The following PPP1R9A variants were observed in gnomAD, a reference collection of about 807,000 sequenced individuals.
PPP1R9A encodes neurabin-1.
A neutral mutation model predicts 141.9 loss-of-function variants in PPP1R9A; 59 were observed. The ratio of observed to expected loss-of-function variants is 0.42; its 90% CI spans 0.34 to 0.52. PPP1R9A has a LOEUF of 0.52. Among genes scored for constraint, PPP1R9A ranks in the 20% least tolerant of loss-of-function variants. PPP1R9A has a pLI of 0.10. For missense variants in PPP1R9A, 1,444 were observed against 1,611.9 expected, an observed-to-expected ratio of 0.90 and a Z score of 1.78; for synonymous variants, 500 against 569.7, an observed-to-expected ratio of 0.88 and a Z score of 1.74.
intron 5 of PPP1R9A, among the ~76,000 whole-genome samples, chr7:95,186,985 T>C (rs1326361722): frequency 6.6e-6 from 1 of 152,084 alleles, no homozygotes; most frequent in East Asian, 1.9e-4. Context: ...TTTTGTTCTG[T>C]CCTTTCCTGG....
At chr7:95,195,491 T>C (rs1836129596) in intron 5 of PPP1R9A, among the ~76,000 whole-genome samples, 1 of 150,914 alleles carries the variant, frequency 6.6e-6, no homozygotes, top group Non-Finnish European at 1.5e-5. Flanking sequence ...TTACTTAGGC[T>C]GATCTTGAAC....
At chr7:95,218,415 G>A (rs146172713) in intron 7 of PPP1R9A, among the ~76,000 whole-genome samples, 1,687 of 152,260 alleles carry the variant, frequency 0.011, 8 homozygotes, top group African/African-American at 0.018. Context: ...GAATAAGTGC[G>A]ATGTGGTGCT....
intron 16 of PPP1R9A, among the ~76,000 whole-genome samples, chr7:95,276,649 C>T (rs183051240): frequency 5.5e-4 from 83 of 152,196 alleles, no homozygotes; most frequent in African/African-American, 2.0e-3. Context: ...TGGCCTCCCT[C>T]AAACCTTGTT....
At chr7:94,945,498 AT>A (rs1227344630) in intron 2 of PPP1R9A, among the ~76,000 whole-genome samples, 4 of 152,026 alleles carry the variant, frequency 2.6e-5, no homozygotes, top group African/African-American at 9.7e-5. Context: ...CCAGTCTTTC[AT>A]TTTGTTTTGT....
intron 2 of PPP1R9A, among the ~76,000 whole-genome samples, chr7:94,930,269 A>G (rs1793990451): frequency 6.6e-6 from 1 of 152,174 alleles, no homozygotes; most frequent in Admixed American, 6.5e-5. Flanking sequence ...AGAGTTTGAG[A>G]AATAGCGCTT....
At chr7:95,230,168 C>T (rs766248340) in intron 8 of PPP1R9A, among the ~76,000 whole-genome samples, 39 of 152,050 alleles carry the variant, frequency 2.6e-4, no homozygotes, top group Non-Finnish European at 5.0e-4. Flanking sequence ...GAACAGTAGC[C>T]CTTGAATCCC....
In PPP1R9A at chr7:95,092,223, G is replaced by A. The variant is rs117347452; in HGVS notation, c.1396-19036G>A. ...TTAAAATCTTTTCAATTCTTATGATGACAGCTGATGGATATACTTTTACAT... is the reference window on the plus strand; with the variant it reads ...TTAAAATCTTTTCAATTCTTATGATAACAGCTGATGGATATACTTTTACAT... On this transcript the variant is annotated intron_variant, in intron 2 of 19. Transcript: ENST00000433360. 8.1e-3 allele frequency among the ~76,000 whole-genome samples: 1,235 copies of A among 152,234 alleles called. 2 individuals carry two copies. The highest frequency in any genetic ancestry group is 0.014 in the Middle Eastern group (4 of 294).
At chr7:94,968,055 G>C (rs978264072) in intron 2 of PPP1R9A, among the ~76,000 whole-genome samples, 27 of 152,164 alleles carry the variant, frequency 1.8e-4, no homozygotes, top group African/African-American at 6.5e-4. Context: ...AAATCTCTTC[G>C]TAGGTCTCTA....
chr7:95,053,987 A>T (rs1811151460), intron 2 of PPP1R9A, among the ~76,000 whole-genome samples: 1 of 152,220 alleles, frequency 6.6e-6, no homozygotes, highest in Non-Finnish European at 1.5e-5. Context: ...AGAAATGTTA[A>T]ATCAGCTAAA....
At chr7:95,271,119 G>A (rs1042826540) in intron 14 of PPP1R9A, among the ~76,000 whole-genome samples, 2 of 152,168 alleles carry the variant, frequency 1.3e-5, no homozygotes, top group African/African-American at 2.4e-5. Flanking sequence ...TGATTTAAAG[G>A]TACAAGGCTA....
chr7:94,965,418 G>A (rs983624743), intron 2 of PPP1R9A, among the ~76,000 whole-genome samples: 3 of 152,078 alleles, frequency 2.0e-5, no homozygotes, highest in Admixed American at 2.0e-4. Flanking sequence ...GGATGGTACT[G>A]CCTAGATTTT....
At chr7:95,069,519 C>T (rs1206241440) in intron 2 of PPP1R9A, among the ~76,000 whole-genome samples, 1 of 151,962 alleles carries the variant, frequency 6.6e-6, no homozygotes, top group East Asian at 1.9e-4. Context: ...ACTGTTGAGA[C>T]ACTCCACGGG....
intron 2 of PPP1R9A, among the ~76,000 whole-genome samples, chr7:95,108,332 T>TTTTTTTTTTTTG (rs1554509667): frequency 7.1e-6 from 1 of 139,968 alleles, no homozygotes; most frequent in Non-Finnish European, 1.5e-5. Flanking sequence ...TTTTTTTTTT[T>TTTTTTTTTTTTG]TGAGACAGTC....
chr7:94,950,000 CA>C (rs1267696570), intron 2 of PPP1R9A, among the ~76,000 whole-genome samples: 1 of 144,144 alleles, frequency 6.9e-6, no homozygotes, highest in African/African-American at 2.6e-5. Context: ...TTTTTGGTGT[CA>C]AGACCCTTTT....
intron 2 of PPP1R9A, among the ~76,000 whole-genome samples, chr7:95,048,075 ATCT>A (rs1351127811): frequency 4.6e-5 from 7 of 152,206 alleles, no homozygotes; most frequent in African/African-American, 1.7e-4. Context: ...TTAATTACTC[ATCT>A]AATTTTATGT....
chr7:95,101,850 A>G (rs1408704456), intron 2 of PPP1R9A, among the ~76,000 whole-genome samples: 2 of 152,076 alleles, frequency 1.3e-5, no homozygotes, highest in African/African-American at 2.4e-5. Flanking sequence ...TGATTTTTAC[A>G]TGTATTAATC....
chr7:95,226,191 T>C (rs969941560), intron 8 of PPP1R9A, 75 bp downstream of exon 8: 1 of 1,388,950 alleles, frequency 7.2e-7, no homozygotes, highest in Non-Finnish European at 9.7e-7. Context: ...TCAAATAATA[T>C]ATTAAGAATA....
At chr7:95,235,456 A>C (rs1026090510) in intron 8 of PPP1R9A, among the ~76,000 whole-genome samples, 3 of 152,208 alleles carry the variant, frequency 2.0e-5, no homozygotes, top group Non-Finnish European at 4.4e-5. Flanking sequence ...AATGTAAATC[A>C]AAATCACAAT....
chr7:95,291,847 C>T lies in PPP1R9A; in HGVS notation c.*1544C>T, dbSNP rs1182686794. The T allele has an allele frequency of 6.6e-6, 1 of 152,100 alleles. No homozygotes were observed. The highest frequency in any genetic ancestry group is 1.5e-5 in the Non-Finnish European group (1 of 68,010). 9.4% of individuals were successfully genotyped at this position (152,100 alleles called of 1,614,324 possible). A position where few individuals can be genotyped will look rare whatever the true frequency, so the allele number is the denominator to read the frequency against. On this transcript the variant is annotated 3_prime_UTR_variant, in exon 20 of 20. Transcript: ENST00000433360. The stretch of plus-strand genomic sequence containing the variant: ...ACTAGAAGTATTCCATATTTAGAGC[C>T]TCGGCAAGGCTTTTGAGTGTAACAG...
Sources: allele counts gnomAD v4.1 joint callset (sites outside exome capture counted in the v4.1 genomes callset), GRCh38; gene constraint gnomAD v4.1.1; transcripts MANE v1.5; gene names NCBI Gene and HGNC (gene_info 2026-07-23, HGNC 2026-07-21).